Variants in DYNC1I1 observed in about 807,000 individuals in gnomAD.
The protein encoded by DYNC1I1 is cytoplasmic dynein 1 intermediate chain 1.
DYNC1I1 carries 43 observed loss-of-function variants against 86.6 expected under a neutral mutation model. The ratio of observed to expected loss-of-function variants is 0.50; its 90% CI spans 0.39 to 0.64. The LOEUF (loss-of-function observed/expected upper bound fraction) is 0.64. Ranked by LOEUF, DYNC1I1 falls within the 30% of genes least tolerant of loss-of-function variation. The pLI is 0.00. For synonymous variants in DYNC1I1, 262 were observed against 283.7 expected (o/e 0.92, Z 0.77); for missense variants, 604 against 788.8 (o/e 0.77, Z 2.81).
At chr7:96,091,016 T>C (rs1790826545) in intron 16 of DYNC1I1, among the ~76,000 whole-genome samples, 1 of 152,164 alleles carries the variant, frequency 6.6e-6, no homozygotes, top group Admixed American at 6.5e-5. Context: ...TCATTGCATA[T>C]TACCTCCCAC....
intron 6 of DYNC1I1, among the ~76,000 whole-genome samples, chr7:95,898,486 T>C (rs754082108): frequency 5.3e-5 from 8 of 152,086 alleles, no homozygotes; most frequent in Non-Finnish European, 1.2e-4. Flanking sequence ...TGATTGGGGG[T>C]ATAAGGGATG....
intron 1 of DYNC1I1, among the ~76,000 whole-genome samples, chr7:95,774,172 C>T (rs982452711): frequency 6.6e-6 from 1 of 152,182 alleles, no homozygotes; most frequent in African/African-American, 2.4e-5. Context: ...CTCTTAAAAC[C>T]TCTAGCACCA....
At chr7:96,080,912 ATACAAAAAT>A (rs766148967) in intron 16 of DYNC1I1, among the ~76,000 whole-genome samples, 94 of 152,118 alleles carry the variant, frequency 6.2e-4, no homozygotes, top group Middle Eastern at 3.4e-3. Flanking sequence ...TCTACTAAAA[ATACAAAAAT>A]TAGTCGGGCA....
intron 6 of DYNC1I1, among the ~76,000 whole-genome samples, chr7:95,919,490 T>C (rs1050948536): frequency 1.3e-5 from 2 of 152,192 alleles, no homozygotes; most frequent in African/African-American, 4.8e-5. Flanking sequence ...TCATGGCCAC[T>C]TCTAGGTAAA....
intron 14 of DYNC1I1, among the ~76,000 whole-genome samples, chr7:96,043,167 C>CA (rs111888029): frequency 0.053 from 3,364 of 63,064 alleles, 128 homozygotes; most frequent in African/African-American, 0.14. Context: ...GACTCCATCT[C>CA]AAAAAAAAAA....
At chr7:96,049,354 T>C (rs753495895) in intron 14 of DYNC1I1, among the ~76,000 whole-genome samples, 5 of 149,918 alleles carry the variant, frequency 3.3e-5, no homozygotes, top group Non-Finnish European at 5.9e-5. Context: ...GTAAAAAAAA[T>C]ACTCTCTTGA....
intron 12 of DYNC1I1, 107 bp from the exon 13 acceptor site, chr7:96,035,512 G>A (rs1467119121): frequency 3.5e-6 from 5 of 1,418,840 alleles, no homozygotes; most frequent in African/African-American, 2.9e-5. Context: ...CTTTTGTAAC[G>A]CTGTGTGAAA....
rs573847327 is a variant in DYNC1I1 at position 96,032,543 on chromosome 7, C to T, written c.1117-124C>T. On this transcript the variant is annotated intron_variant, in intron 11 of 16. Coordinates refer to ENST00000447467, the MANE Select transcript of DYNC1I1 (RefSeq NM_001135556.2). Reference sequence around the variant, plus strand: ...AAATCAAAAGCGGCAAATGACCTGACGCTTGTATTATAGTAGGATTATGTT... The same window carrying T: ...AAATCAAAAGCGGCAAATGACCTGATGCTTGTATTATAGTAGGATTATGTT... The T allele has an allele frequency of 7.3e-5, 52 of 711,912 alleles. 1 individual carries two copies. The East Asian group carries it at 1.1e-3, about 15-fold the overall frequency. 44.1% of individuals were successfully genotyped at this position (711,912 alleles called of 1,614,324 possible).
At position 95,773,655 on chromosome 7, in the gene DYNC1I1, A is replaced by G. The variant is rs1333864752; in HGVS notation, c.-10+882A>G. Among the ~76,000 whole-genome samples, 6 of 152,310 alleles carry G rather than the reference A, an allele frequency of 3.9e-5. No individual in the cohort carries two copies. The South Asian group carries it at 8.3e-4, about 21-fold the overall frequency. On this transcript the variant is annotated intron_variant, in intron 1 of 16. Coordinates refer to ENST00000447467, the MANE Select transcript of DYNC1I1 (RefSeq NM_001135556.2). ...TAATCCTAGGTAAGGGGCAGGAACAAGTAGCCAGCCATTTTCTTGCTTGGA... is the reference window on the plus strand; with the variant it reads ...TAATCCTAGGTAAGGGGCAGGAACAGGTAGCCAGCCATTTTCTTGCTTGGA...
intron 3 of DYNC1I1, among the ~76,000 whole-genome samples, chr7:95,812,070 C>G (rs188363586): frequency 6.6e-6 from 1 of 152,240 alleles, no homozygotes; most frequent in Non-Finnish European, 1.5e-5. Flanking sequence ...CTTCGACTTA[C>G]CCTCTGAGCT....
At chr7:96,061,929 CG>C (rs1467964066) in intron 14 of DYNC1I1, among the ~76,000 whole-genome samples, 1 of 152,066 alleles carries the variant, frequency 6.6e-6, no homozygotes, top group African/African-American at 2.4e-5. Flanking sequence ...CTTTGTAAGG[CG>C]GGGTGATAAC....
chr7:95,895,592 G>A (rs1190340557), intron 6 of DYNC1I1, among the ~76,000 whole-genome samples: 1 of 152,122 alleles, frequency 6.6e-6, no homozygotes, highest in African/African-American at 2.4e-5. Context: ...TGTTGATGTT[G>A]TGAGTTGTCT....
chr7:95,960,480 G>A (rs1562956626), intron 6 of DYNC1I1, among the ~76,000 whole-genome samples: 1 of 152,158 alleles, frequency 6.6e-6, no homozygotes, highest in Non-Finnish European at 1.5e-5. Context: ...AACAGACAGG[G>A]ATGACCTACC....
At chr7:95,936,990 A>ACACACACACACACACAC (rs1562949165) in intron 6 of DYNC1I1, among the ~76,000 whole-genome samples, 9 of 151,854 alleles carry the variant, frequency 5.9e-5, no homozygotes, top group South Asian at 2.1e-4. Context: ...ACACACACAC[A>ACACACACACACACACAC]AATACTATTC....
intron 14 of DYNC1I1, among the ~76,000 whole-genome samples, chr7:96,041,285 C>A (rs1303352713): frequency 6.6e-6 from 1 of 152,126 alleles, no homozygotes; most frequent in Non-Finnish European, 1.5e-5. Context: ...AAACATATTT[C>A]CAACTATCAG....
chr7:96,099,175 A>G (rs756551322), downstream of DYNC1I1, among the ~76,000 whole-genome samples: 10 of 152,242 alleles, frequency 6.6e-5, no homozygotes, highest in Non-Finnish European at 1.2e-4. Context: ...ATTATGATAG[A>G]CCAAATTGAA....
intron 10 of DYNC1I1, among the ~76,000 whole-genome samples, chr7:96,010,347 G>A (rs1471527486): frequency 2.0e-5 from 3 of 152,282 alleles, no homozygotes; most frequent in Middle Eastern, 3.4e-3. Flanking sequence ...GAGCTAGCTC[G>A]CATTAGGAGG....
chr7:95,797,226 A>G (rs1794460914), intron 1 of DYNC1I1, among the ~76,000 whole-genome samples: 1 of 152,202 alleles, frequency 6.6e-6, no homozygotes, highest in African/African-American at 2.4e-5. Flanking sequence ...GCCTTAAAAA[A>G]AAAGAAACAC....
At chr7:95,878,395 AG>A (rs111883588) in intron 6 of DYNC1I1, among the ~76,000 whole-genome samples, 5 of 152,264 alleles carry the variant, frequency 3.3e-5, no homozygotes, top group Middle Eastern at 3.4e-3. Flanking sequence ...TGGAAAAAAA[AG>A]GAATCAAATG....
Sources: gnomAD v4.1 joint callset for allele counts (sites outside exome capture counted in the v4.1 genomes callset) on GRCh38, gnomAD v4.1.1 for gene constraint, MANE v1.5 for transcripts, NCBI Gene and HGNC (gene_info 2026-07-23, HGNC 2026-07-21) for gene names.